Variants in VSNL1 observed in about 807,000 individuals in gnomAD.
VSNL1 encodes visinin like 1.
Under a neutral mutation model 20.4 loss-of-function variants are expected in VSNL1, and 6 were observed. The ratio of observed to expected loss-of-function variants is 0.29; its 90% CI spans 0.16 to 0.58. The LOEUF is 0.58. Among genes scored for constraint, VSNL1 ranks in the 20% least tolerant of loss-of-function variants. The pLI is 0.90. For missense variants in VSNL1, 100 were observed against 234.5 expected (o/e 0.43, Z 3.75); for synonymous variants, 93 against 86.4 (o/e 1.08, Z -0.42).
chr2:17,617,275 C>T (rs1480595936), intron 2 of VSNL1, among the ~76,000 whole-genome samples: 1 of 152,068 alleles, frequency 6.6e-6, no homozygotes, highest in Non-Finnish European at 1.5e-5. Context: ...TGGGCAGATC[C>T]CCTGAGGTCA....
At chr2:17,542,385 G>A (rs1176950478) in intron 1 of VSNL1, among the ~76,000 whole-genome samples, 1 of 152,154 alleles carries the variant, frequency 6.6e-6, no homozygotes, top group Non-Finnish European at 1.5e-5. Flanking sequence ...GTGCGTGCTG[G>A]ATTTCCACGA....
chr2:17,550,677 A>G (rs572458693), intron 1 of VSNL1, among the ~76,000 whole-genome samples: 1 of 152,340 alleles, frequency 6.6e-6, no homozygotes, highest in Non-Finnish European at 1.5e-5. Flanking sequence ...GACCAACAGG[A>G]GAAACTAAAG....
At chr2:17,560,417 A>T (rs1445470905) in intron 1 of VSNL1, among the ~76,000 whole-genome samples, 2 of 152,162 alleles carry the variant, frequency 1.3e-5, no homozygotes, top group Admixed American at 1.3e-4. Flanking sequence ...ATATGAATAG[A>T]CAAGTAGACC....
At chr2:17,546,475 T>C (rs1395714900) in intron 1 of VSNL1, among the ~76,000 whole-genome samples, 1 of 151,968 alleles carries the variant, frequency 6.6e-6, no homozygotes, top group Non-Finnish European at 1.5e-5. Context: ...TTTTTTCTAA[T>C]GTAAATCAAC....
In VSNL1 at chr2:17,649,746, C is replaced by T. The variant is rs548187615; in HGVS notation, c.378+121C>T. 2.4e-4 allele frequency: 222 copies of T among 913,820 alleles called. No homozygotes were observed. The African/African-American group carries it at 3.0e-3, about 12-fold the overall frequency. The allele number at this position is 913,820 out of a possible 1,614,324, so 56.6% of individuals were successfully genotyped here. A position where few individuals can be genotyped will look rare whatever the true frequency, so the allele number is the denominator to read the frequency against. The stretch of plus-strand genomic sequence containing the variant: ...CTCGAGCCCTGCCAGCTGCACACCA[C>T]GCCTGGACTTCTCCTGCTTCTGTCC... On this transcript the variant is annotated intron_variant, in intron 3 of 3. Transcript: ENST00000295156. This position sits in a 1 kb window ranked among gnomAD's most constrained non-coding sequence, Gnocchi z 6.4.
intron 2 of VSNL1, among the ~76,000 whole-genome samples, chr2:17,617,262 A>G (rs550997692): frequency 1.3e-5 from 2 of 152,308 alleles, no homozygotes; most frequent in Admixed American, 1.3e-4. Context: ...TGAGAGCCCA[A>G]GGTGGGCAGA....
intron 1 of VSNL1, among the ~76,000 whole-genome samples, chr2:17,583,610 A>G (rs941383582): frequency 6.6e-6 from 1 of 152,234 alleles, no homozygotes; most frequent in African/African-American, 2.4e-5. Context: ...AAAGGTTACC[A>G]GCTATTAATC....
At chr2:17,553,292 T>C (rs1235677616) in intron 1 of VSNL1, among the ~76,000 whole-genome samples, 2 of 152,200 alleles carry the variant, frequency 1.3e-5, no homozygotes, top group Non-Finnish European at 2.9e-5. Flanking sequence ...TGTTTATAGT[T>C]CTGCTGTTTC....
At chr2:17,574,742 C>G (rs1572341167) in intron 1 of VSNL1, among the ~76,000 whole-genome samples, 1 of 152,098 alleles carries the variant, frequency 6.6e-6, no homozygotes, top group Non-Finnish European at 1.5e-5. Context: ...TTATGGAAGA[C>G]TTCGTTATTT....
intron 2 of VSNL1, among the ~76,000 whole-genome samples, chr2:17,603,428 T>C (rs955269996): frequency 2.0e-5 from 3 of 152,124 alleles, no homozygotes; most frequent in Non-Finnish European, 4.4e-5. Context: ...CCTAGTCCCC[T>C]CCCAAAGAAC....
intron 1 of VSNL1, among the ~76,000 whole-genome samples, chr2:17,581,042 A>C (rs1480559271): frequency 6.6e-6 from 1 of 152,228 alleles, no homozygotes; most frequent in Non-Finnish European, 1.5e-5. Flanking sequence ...TGTATAAAGC[A>C]AAAGTAAGTG....
intron 2 of VSNL1, among the ~76,000 whole-genome samples, chr2:17,627,605 T>C (rs1373658363): frequency 6.6e-6 from 1 of 152,176 alleles, no homozygotes; most frequent in African/African-American, 2.4e-5. Context: ...GTTGAAGCCG[T>C]TGTCTTGTGC....
chr2:17,567,880 T>G (rs1333913614), intron 1 of VSNL1, among the ~76,000 whole-genome samples: 1 of 152,190 alleles, frequency 6.6e-6, no homozygotes, highest in African/African-American at 2.4e-5. Context: ...CTAATATGTA[T>G]CATTTTGCAT....
At chr2:17,632,697 T>C (rs1665664455) in intron 2 of VSNL1, among the ~76,000 whole-genome samples, 1 of 152,224 alleles carries the variant, frequency 6.6e-6, no homozygotes, top group South Asian at 2.1e-4. Context: ...ATGTGTACTA[T>C]CTATAGAGTA....
chr2:17,646,835 G>T (rs1213612677), intron 2 of VSNL1, among the ~76,000 whole-genome samples: 1 of 152,178 alleles, frequency 6.6e-6, no homozygotes, highest in East Asian at 1.9e-4. Flanking sequence ...CTGAGTTCAA[G>T]ACCCTGAATT....
chr2:17,592,290 C>T, intron 2 of VSNL1, 54 bp downstream of exon 2: 1 of 1,557,132 alleles, frequency 6.4e-7, no homozygotes, highest in Non-Finnish European at 8.8e-7. Context: ...CTATGGCCTT[C>T]ATGAAATTGT....
At chr2:17,585,580 G>A (rs1351652414) in intron 1 of VSNL1, among the ~76,000 whole-genome samples, 3 of 150,898 alleles carry the variant, frequency 2.0e-5, no homozygotes, top group Middle Eastern at 3.2e-3. Context: ...GTTAGACACA[G>A]GGACAGCATG....
chr2:17,650,142 G>C (rs1217466737), intron 3 of VSNL1, among the ~76,000 whole-genome samples: 1 of 152,078 alleles, frequency 6.6e-6, no homozygotes, highest in Non-Finnish European at 1.5e-5. Flanking sequence ...CTAATGCCCG[G>C]TTCCACTTCA....
rs1260058111 is a variant in VSNL1, at chr2:17,597,043, C to G, written c.162+4807C>G. Among the ~76,000 whole-genome samples the G allele has an allele frequency of 2.6e-5, 4 of 152,184 alleles. No individual in the cohort carries two copies. In the East Asian group the frequency reaches 7.7e-4, roughly 29 times the overall value. ...TACGATGGCAGCACCAAATGGTGCA[C>G]AGAGGAGGGTGAGAGACTCTATGAA... On this transcript the variant is annotated intron_variant, in intron 2 of 3. Coordinates refer to ENST00000295156, the MANE Select transcript of VSNL1 (RefSeq NM_003385.5).
Sources: allele counts gnomAD v4.1 joint callset (sites outside exome capture counted in the v4.1 genomes callset), GRCh38; gene constraint gnomAD v4.1.1; non-coding constraint Gnocchi (gnomAD v3.1); transcripts MANE v1.5; gene names NCBI Gene and HGNC (gene_info 2026-07-23, HGNC 2026-07-21).